Variants in BET1 observed in about 807,000 individuals in gnomAD.
BET1 encodes the protein BET1 homolog.
In BET1, 9 loss-of-function variants were observed where a neutral mutation model predicts 13.9. The ratio of observed to expected loss-of-function variants is 0.65; its 90% CI spans 0.39 to 1.13. The LOEUF (loss-of-function observed/expected upper bound fraction) is 1.13, where lower values mean the gene tolerates loss of function less well. Among genes scored for constraint, BET1 ranks in the 50% most tolerant of loss-of-function variants. BET1 has a pLI of 0.01. For synonymous variants in BET1, 39 were observed against 47.3 expected (o/e 0.82, Z 0.72); for missense variants, 127 against 133.6 (o/e 0.95, Z 0.24).
chr7:94,001,349 T>C (rs1043944308), intron 1 of BET1, among the ~76,000 whole-genome samples: 3 of 152,216 alleles, frequency 2.0e-5, no homozygotes, highest in Non-Finnish European at 4.4e-5. Context: ...TGAATGTGCA[T>C]ACCTTTGTCC....
intron 4 of BET1, among the ~76,000 whole-genome samples, chr7:93,979,684 T>C (rs943444998): frequency 6.6e-6 from 1 of 152,150 alleles, no homozygotes; most frequent in African/African-American, 2.4e-5. Flanking sequence ...ACCCCCAGCA[T>C]ACTGCCATAT....
intron 4 of BET1, among the ~76,000 whole-genome samples, chr7:93,978,243 A>G (rs931632575): frequency 2.3e-4 from 35 of 151,932 alleles, no homozygotes; most frequent in African/African-American, 8.4e-4. Context: ...TTAATTTTGT[A>G]TTTTTTTGTC....
downstream of BET1, chr7:93,993,043 A>AG (rs1209810022): frequency 5.1e-6 from 5 of 982,758 alleles, no homozygotes; most frequent in Non-Finnish European, 4.8e-6. Flanking sequence ...TTGAAAACTC[A>AG]GTAAAATCCA....
At chr7:94,002,742 T>C (rs2116153207) in intron 1 of BET1, among the ~76,000 whole-genome samples, 1 of 152,336 alleles carries the variant, frequency 6.6e-6, no homozygotes, top group Non-Finnish European at 1.5e-5. Flanking sequence ...CTCCACAGTG[T>C]GATCCCGAAT....
intron 2 of BET1, among the ~76,000 whole-genome samples, chr7:93,998,719 G>GA (rs1436249632): frequency 1.3e-5 from 2 of 151,786 alleles, no homozygotes; most frequent in Non-Finnish European, 2.9e-5. Flanking sequence ...GAAAAGAAAA[G>GA]AAAACCAGGG....
chr7:93,975,888 C>T, intron 5 of BET1: 2 of 1,093,548 alleles, frequency 1.8e-6, no homozygotes, highest in Non-Finnish European at 2.3e-6. Flanking sequence ...ATCAAATGTA[C>T]TTGTTAAAAA....
exon 6 of BET1, chr7:93,972,629 G>A (rs749903624): frequency 4.9e-4 from 75 of 151,938 alleles, no homozygotes; most frequent in Middle Eastern, 3.4e-3. Flanking sequence ...CAGAGTGGTA[G>A]AAAGCCATTT....
At chr7:93,966,290 A>G (rs1054736413) in intron 6 of BET1, among the ~76,000 whole-genome samples, 4 of 151,974 alleles carry the variant, frequency 2.6e-5, no homozygotes, top group Admixed American at 6.6e-5. Context: ...GTTTTTATTT[A>G]TATTTAAAAT....
intron 2 of BET1, among the ~76,000 whole-genome samples, chr7:93,997,219 T>G (rs747755113): frequency 6.6e-6 from 1 of 152,166 alleles, no homozygotes; most frequent in Non-Finnish European, 1.5e-5. Context: ...ACTGCAAATA[T>G]TGTTCTTCAT....
At chr7:93,968,271 G>A (rs1795206574) in intron 6 of BET1, 1 of 151,740 alleles carries the variant, frequency 6.6e-6, no homozygotes, top group South Asian at 2.1e-4. Context: ...TTTAAAAGTA[G>A]ATTTTTTTTC....
intron 5 of BET1, among the ~76,000 whole-genome samples, chr7:93,973,312 G>A (rs1374846130): frequency 1.3e-5 from 2 of 151,862 alleles, no homozygotes; most frequent in Admixed American, 1.3e-4. Context: ...TCCTATAGCT[G>A]TTGAGCAGAA....
At chr7:94,001,961 G>C (rs1481441131) in intron 1 of BET1, among the ~76,000 whole-genome samples, 2 of 152,066 alleles carry the variant, frequency 1.3e-5, no homozygotes, top group South Asian at 2.1e-4. Flanking sequence ...AATTCTTGTT[G>C]TATTTATCGT....
At chr7:93,994,615 CT>C (rs1484804266) in intron 3 of BET1, among the ~76,000 whole-genome samples, 2 of 152,188 alleles carry the variant, frequency 1.3e-5, no homozygotes, top group African/African-American at 4.8e-5. Flanking sequence ...ATAAACACTT[CT>C]TTCAGCTCCA....
downstream of BET1, among the ~76,000 whole-genome samples, chr7:93,989,176 G>A (rs1795582962): frequency 1.3e-5 from 2 of 151,364 alleles, no homozygotes; most frequent in Non-Finnish European, 2.9e-5. Flanking sequence ...ACCACGCCTG[G>A]CTAATTTTTG....
intron 3 of BET1, among the ~76,000 whole-genome samples, chr7:93,995,517 C>T (rs1795745978): frequency 6.6e-6 from 1 of 152,142 alleles, no homozygotes; most frequent in Admixed American, 6.5e-5. Context: ...GCATCAGAAT[C>T]ACCAGAGATG....
intron 2 of BET1, among the ~76,000 whole-genome samples, chr7:93,996,871 A>G (rs1795781817): frequency 6.6e-6 from 1 of 151,878 alleles, no homozygotes; most frequent in South Asian, 2.1e-4. Flanking sequence ...AAAGATCTAG[A>G]AGTACCCATA....
At chr7:93,990,973 G>A (rs549348664), downstream of BET1, among the ~76,000 whole-genome samples, 1 of 152,226 alleles carries the variant, frequency 6.6e-6, no homozygotes, top group East Asian at 1.9e-4. Flanking sequence ...CAAGGCTTGT[G>A]AAAAATTCTT....
chr7:94,002,863 CTA>C (rs1297452406), intron 1 of BET1, among the ~76,000 whole-genome samples: 3 of 152,218 alleles, frequency 2.0e-5, no homozygotes, highest in Non-Finnish European at 4.4e-5. Context: ...CTTCAAATTC[CTA>C]TGTCTCCACC....
exon 4 of BET1, chr7:93,993,243 AAC>A (rs914938901): frequency 2.1e-6 from 2 of 963,642 alleles, no homozygotes; most frequent in Admixed American, 6.1e-5. Context: ...TTAAAGAAGT[AAC>A]ACAGTCGACT....
Sources: gnomAD v4.1 joint callset for allele counts (sites outside exome capture counted in the v4.1 genomes callset) on GRCh38, gnomAD v4.1.1 for gene constraint, MANE v1.5 for transcripts, NCBI Gene and HGNC (gene_info 2026-07-23, HGNC 2026-07-21) for gene names.